TUSC3: variants seen among roughly 807,000 people sequenced by gnomAD.
The protein encoded by TUSC3 is tumor suppressor candidate 3.
TUSC3 carries 45 observed loss-of-function variants against 44.8 expected under a neutral mutation model. The ratio of observed to expected loss-of-function variants is 1.00; its 90% CI spans 0.79 to 1.29. The LOEUF is 1.29. Among genes scored for constraint, TUSC3 ranks in the 50% most tolerant of loss-of-function variants. TUSC3 has a pLI of 0.00. For missense variants in TUSC3, 519 were observed against 437.9 expected, an observed-to-expected ratio of 1.19 and a Z score of -1.65; for synonymous variants, 212 against 152.9, an observed-to-expected ratio of 1.39 and a Z score of -2.85.
At position 15,698,695 on chromosome 8, in the gene TUSC3, T is replaced by G. The variant is rs775985182; in HGVS notation, c.798+24859T>G. The stretch of plus-strand genomic sequence containing the variant: ...TTTTTCTGTGCCATTCTCTCATTAC[T>G]AGGTGAAAATGAAATGTTTTTTACA... On this transcript the variant is annotated intron_variant, in intron 6 of 10. Transcript: ENST00000503731. Among the ~76,000 whole-genome samples, 4 of 152,228 alleles carry G rather than the reference T, an allele frequency of 2.6e-5. No homozygotes were observed. The East Asian group carries it at 5.8e-4, about 22-fold the overall frequency.
intron 1 of TUSC3, among the ~76,000 whole-genome samples, chr8:15,542,500 G>C (rs909383817): frequency 6.6e-6 from 1 of 151,948 alleles, no homozygotes; most frequent in Admixed American, 6.6e-5. Flanking sequence ...CGGTGGAGAA[G>C]AGGGGCCCTT....
At chr8:15,755,339 C>G (rs1811880209) in intron 9 of TUSC3, among the ~76,000 whole-genome samples, 1 of 152,102 alleles carries the variant, frequency 6.6e-6, no homozygotes, top group Non-Finnish European at 1.5e-5. Flanking sequence ...GTACTGATTA[C>G]TCAATAAATG....
At chr8:15,591,931 T>G (rs1004390966) in intron 1 of TUSC3, among the ~76,000 whole-genome samples, 1 of 152,206 alleles carries the variant, frequency 6.6e-6, no homozygotes, top group Admixed American at 6.5e-5. Context: ...AAGTAATTAC[T>G]CTTCCACTAA....
rs1286910098 is a variant in TUSC3 at position 15,683,767 on chromosome 8, T to G, written c.798+9931T>G. The stretch of plus-strand genomic sequence containing the variant: ...CCTTCTCAGAAGGAACTGGTGCTTC[T>G]TTTTCTTTTTGAATTTGCTGTTGTT... On this transcript the variant is annotated intron_variant, in intron 6 of 10. Coordinates refer to ENST00000503731, the MANE Select transcript of TUSC3 (RefSeq NM_006765.4). Among the ~76,000 whole-genome samples the G allele has an allele frequency of 2.0e-5, 3 of 152,184 alleles. No individual in the cohort carries two copies. The South Asian group carries it at 6.2e-4, about 32-fold the overall frequency.
chr8:15,694,955 A>G (rs1216370073), intron 6 of TUSC3, among the ~76,000 whole-genome samples: 1 of 152,108 alleles, frequency 6.6e-6, no homozygotes, highest in East Asian at 1.9e-4. Flanking sequence ...AAGCTGAGGT[A>G]TTGGGTGTGC....
At chr8:15,469,711 C>T (rs1424951270) in intron 1 of TUSC3, among the ~76,000 whole-genome samples, 1 of 152,194 alleles carries the variant, frequency 6.6e-6, no homozygotes, top group Admixed American at 6.5e-5. Flanking sequence ...TTTATAGCAA[C>T]TGTATTCACA....
At chr8:15,539,190 AT>A (rs1206875248), upstream of TUSC3, among the ~76,000 whole-genome samples, 2 of 151,882 alleles carry the variant, frequency 1.3e-5, no homozygotes, top group Non-Finnish European at 2.9e-5. Context: ...AATATGTGCT[AT>A]TTTAAGAAGG....
At chr8:15,583,998 T>A (rs1223751801) in intron 1 of TUSC3, among the ~76,000 whole-genome samples, 3 of 152,242 alleles carry the variant, frequency 2.0e-5, no homozygotes, top group Non-Finnish European at 4.4e-5. Flanking sequence ...TCCTCTGTAT[T>A]GCAGGGGCAG....
the TUSC3 span, among the ~76,000 whole-genome samples, chr8:15,780,933 G>A: frequency 6.6e-6 from 1 of 152,184 alleles, no homozygotes; most frequent in Non-Finnish European, 1.5e-5. Context: ...ATAGAGAAGA[G>A]GCTAAAGAGC....
At position 15,709,682 on chromosome 8, in the gene TUSC3, C is replaced by A. The variant is rs59379511; in HGVS notation, c.799-20984C>A. Among the ~76,000 whole-genome samples the A allele has an allele frequency of 9.9e-3, 1,504 of 151,860 alleles. 28 individuals carry two copies. The highest frequency in any genetic ancestry group is 0.035 in the African/African-American group (1,438 of 41,470). On this transcript the variant is annotated intron_variant, in intron 6 of 10. Coordinates refer to ENST00000503731, the MANE Select transcript of TUSC3 (RefSeq NM_006765.4). Reference sequence around the variant, plus strand: ...GTGTTAGGAGCTGTATGTGTTATCTCCTTTAGTCCTTATAGTATCCTTATA... The same window carrying A: ...GTGTTAGGAGCTGTATGTGTTATCTACTTTAGTCCTTATAGTATCCTTATA...
chr8:15,422,050 C>G (rs1799744489), intron 1 of TUSC3, among the ~76,000 whole-genome samples: 1 of 152,126 alleles, frequency 6.6e-6, no homozygotes, highest in Admixed American at 6.6e-5. Context: ...TGCACTTTAA[C>G]TGTCTCTAGA....
At chr8:15,613,718 C>T (rs1213002341) in intron 1 of TUSC3, among the ~76,000 whole-genome samples, 1 of 152,158 alleles carries the variant, frequency 6.6e-6, no homozygotes, top group Non-Finnish European at 1.5e-5. Context: ...ATACATATAG[C>T]ATTATCTCAG....
intron 1 of TUSC3, among the ~76,000 whole-genome samples, chr8:15,468,871 G>A (rs1800448611): frequency 1.3e-5 from 2 of 151,346 alleles, no homozygotes; most frequent in Admixed American, 6.6e-5. Context: ...TTTTCCATGA[G>A]ACTCTAATAA....
intron 1 of TUSC3, among the ~76,000 whole-genome samples, chr8:15,474,080 C>T (rs1425484653): frequency 3.3e-5 from 5 of 152,076 alleles, no homozygotes; most frequent in Non-Finnish European, 7.3e-5. Flanking sequence ...TATTAATACT[C>T]CTTGCTAGGA....
the TUSC3 span, among the ~76,000 whole-genome samples, chr8:15,820,889 T>A: frequency 2.0e-5 from 3 of 152,180 alleles, no homozygotes; most frequent in Non-Finnish European, 4.4e-5. Flanking sequence ...CCTTGTGAGG[T>A]TGCAATGTAT....
At chr8:15,625,089 T>A (rs1402348558) in intron 2 of TUSC3, among the ~76,000 whole-genome samples, 1 of 152,134 alleles carries the variant, frequency 6.6e-6, no homozygotes, top group East Asian at 1.9e-4. Context: ...ATTAAAAAAA[T>A]TTTTTTTGTT....
intron 1 of TUSC3, among the ~76,000 whole-genome samples, chr8:15,546,754 G>T (rs1987867): frequency 6.6e-6 from 1 of 151,208 alleles, no homozygotes; most frequent in African/African-American, 2.4e-5. Context: ...AGGCTGGTCT[G>T]TAACTCCCGA....
At chr8:15,638,733 C>A (rs530382619) in intron 2 of TUSC3, among the ~76,000 whole-genome samples, 1 of 152,100 alleles carries the variant, frequency 6.6e-6, no homozygotes, top group African/African-American at 2.4e-5. Context: ...ACCATGTTGG[C>A]CAGGCTGGTC....
chr8:15,796,000 G>A, the TUSC3 span, among the ~76,000 whole-genome samples: 1 of 152,102 alleles, frequency 6.6e-6, no homozygotes, highest in Non-Finnish European at 1.5e-5. Flanking sequence ...CTTAGTGTAG[G>A]CTTCCAAGAA....
Sources: allele counts gnomAD v4.1 joint callset (sites outside exome capture counted in the v4.1 genomes callset), GRCh38; gene constraint gnomAD v4.1.1; transcripts MANE v1.5; gene names NCBI Gene and HGNC (gene_info 2026-07-23, HGNC 2026-07-21).